The following MTHFD2L variants were observed in gnomAD, a reference collection of about 807,000 sequenced individuals.
MTHFD2L encodes methylenetetrahydrofolate dehydrogenase (NADP+ dependent) 2 like, also known as bifunctional methylenetetrahydrofolate dehydrogenase/cyclohydrolase 2, mitochondrial.
Under a neutral mutation model 34.9 loss-of-function variants are expected in MTHFD2L, and 29 were observed. The observed-to-expected ratio is 0.83, with a 90% CI of 0.62 to 1.13. MTHFD2L has a LOEUF of 1.13. Among genes scored for constraint, MTHFD2L ranks in the 50% most tolerant of loss-of-function variants. The pLI is 0.00. For missense variants in MTHFD2L, 481 were observed against 446.5 expected, an observed-to-expected ratio of 1.08 and a Z score of -0.70; for synonymous variants, 167 against 155.7, an observed-to-expected ratio of 1.07 and a Z score of -0.54.
upstream of MTHFD2L, among the ~76,000 whole-genome samples, chr4:74,155,806 C>A (rs186812001): frequency 6.6e-6 from 1 of 151,538 alleles, no homozygotes; most frequent in East Asian, 1.9e-4. Context: ...TATTTCCTTA[C>A]CACAAATAAT....
chr4:74,299,409 G>A (rs1020362530), intron 7 of MTHFD2L, among the ~76,000 whole-genome samples: 1 of 151,712 alleles, frequency 6.6e-6, no homozygotes, highest in African/African-American at 2.4e-5. Flanking sequence ...AGCAGCAGTA[G>A]CAGTAGCAGT....
intron 1 of MTHFD2L, among the ~76,000 whole-genome samples, chr4:74,126,892 T>C (rs897885366): frequency 5.9e-5 from 9 of 152,160 alleles, no homozygotes; most frequent in Non-Finnish European, 1.0e-4. Flanking sequence ...GAATTTCAGT[T>C]CCCATAATCC....
chr4:74,201,533 G>A (rs1256869889), intron 5 of MTHFD2L, among the ~76,000 whole-genome samples, 163 bp downstream of exon 5: 1 of 150,352 alleles, frequency 6.7e-6, no homozygotes, highest in African/African-American at 2.4e-5. Context: ...GAAAGTGACT[G>A]TAGGAATTAC....
At chr4:74,300,903 A>G (rs564420129) in intron 7 of MTHFD2L, among the ~76,000 whole-genome samples, 2 of 152,088 alleles carry the variant, frequency 1.3e-5, no homozygotes, top group Non-Finnish European at 2.9e-5. Flanking sequence ...TAATCTCATA[A>G]TGCAGTACAT....
intron 6 of MTHFD2L, among the ~76,000 whole-genome samples, chr4:74,272,344 A>G (rs185520597): frequency 1.3e-5 from 2 of 152,280 alleles, no homozygotes; most frequent in East Asian, 3.9e-4. Flanking sequence ...GGACTGTTGA[A>G]TAAGAATAGA....
intron 6 of MTHFD2L, among the ~76,000 whole-genome samples, chr4:74,269,991 A>G (rs1388547140): frequency 6.6e-6 from 1 of 152,178 alleles, no homozygotes. Flanking sequence ...AATAGAATTC[A>G]AATTTGCTAC....
intron 6 of MTHFD2L, among the ~76,000 whole-genome samples, chr4:74,253,804 A>G (rs1260314235): frequency 6.6e-6 from 1 of 152,084 alleles, no homozygotes. Context: ...CAGCACCAGA[A>G]CACCAGGACC....
intron 6 of MTHFD2L, chr4:74,267,121 C>G (rs1745374031): frequency 1.0e-6 from 1 of 985,024 alleles, no homozygotes; most frequent in South Asian, 4.7e-5. Context: ...ATAAATGTTT[C>G]TAAAATGTTT....
At chr4:74,136,081 C>G (rs1385076731) in intron 1 of MTHFD2L, among the ~76,000 whole-genome samples, 2 of 151,952 alleles carry the variant, frequency 1.3e-5, no homozygotes, top group Admixed American at 1.3e-4. Context: ...GATAAGAATG[C>G]CCACTTTCAC....
At chr4:74,125,684 G>T (rs2109787104) in intron 1 of MTHFD2L, among the ~76,000 whole-genome samples, 1 of 151,860 alleles carries the variant, frequency 6.6e-6, no homozygotes, top group East Asian at 1.9e-4. Flanking sequence ...TAGAAAAAAT[G>T]CTAGCGATAG....
At chr4:74,165,085 G>C (rs1430919334) in intron 1 of MTHFD2L, 16 of 515,228 alleles carry the variant, frequency 3.1e-5, no homozygotes, top group Admixed American at 1.9e-4. Context: ...GAGTAAAAAG[G>C]GGCACGAATG....
In MTHFD2L at chr4:74,148,745, T is replaced by A. The variant is rs1462290661; in HGVS notation, c.-296-11310T>A. ...ACAAATCTACTTACAGAGAAACTCTTGAATAAGTGCATCGAGAGTCATAAA... is the reference window on the plus strand; with the variant it reads ...ACAAATCTACTTACAGAGAAACTCTAGAATAAGTGCATCGAGAGTCATAAA... On this transcript the variant is annotated intron_variant, in intron 1 of 7. Transcript: ENST00000433372. 2.0e-5 allele frequency among the ~76,000 whole-genome samples: 3 copies of A among 150,254 alleles called. No individual in the cohort carries two copies. In the East Asian group the frequency reaches 5.8e-4, roughly 29 times the overall value.
At chr4:74,178,400 A>G (rs1729461593) in intron 3 of MTHFD2L, among the ~76,000 whole-genome samples, 1 of 152,110 alleles carries the variant, frequency 6.6e-6, no homozygotes, top group Non-Finnish European at 1.5e-5. Context: ...AGTTTGTCAC[A>G]GATTTCTAAC....
intron 7 of MTHFD2L, among the ~76,000 whole-genome samples, chr4:74,290,997 C>CT (rs1748826562): frequency 1.7e-5 from 1 of 59,228 alleles, no homozygotes. Context: ...ATTTATTTTT[C>CT]CTTTTCTTTT....
chr4:74,280,600 T>C (rs772674154), intron 6 of MTHFD2L, among the ~76,000 whole-genome samples: 3 of 151,160 alleles, frequency 2.0e-5, no homozygotes, highest in Non-Finnish European at 4.4e-5. Context: ...GTTGCTTTAA[T>C]CTATTAAATT....
At chr4:74,151,179 A>G (rs1470974428) in intron 1 of MTHFD2L, among the ~76,000 whole-genome samples, 1 of 152,134 alleles carries the variant, frequency 6.6e-6, no homozygotes, top group Non-Finnish European at 1.5e-5. Context: ...GTATTATAAG[A>G]CCACAAATAA....
intron 5 of MTHFD2L, among the ~76,000 whole-genome samples, chr4:74,220,725 T>C (rs1738025218): frequency 6.6e-6 from 1 of 151,714 alleles, no homozygotes; most frequent in Non-Finnish European, 1.5e-5. Flanking sequence ...CAATGTATTT[T>C]CTAAGATGTT....
chr4:74,267,709 A>G, intron 6 of MTHFD2L: 3 of 985,390 alleles, frequency 3.0e-6, no homozygotes, highest in Non-Finnish European at 3.6e-6. Context: ...TTCTGGGATT[A>G]CAGGTGCCCT....
At chr4:74,283,713 C>A (rs1001257395) in intron 7 of MTHFD2L, among the ~76,000 whole-genome samples, 1 of 152,028 alleles carries the variant, frequency 6.6e-6, no homozygotes. Context: ...TAAAAGACAC[C>A]CATATGATTA....
Sources: allele counts gnomAD v4.1 joint callset (sites outside exome capture counted in the v4.1 genomes callset), GRCh38; gene constraint gnomAD v4.1.1; transcripts MANE v1.5; gene names NCBI Gene and HGNC (gene_info 2026-07-23, HGNC 2026-07-21).